The following SLIT3 variants were observed in gnomAD, a reference collection of about 807,000 sequenced individuals.
The protein encoded by SLIT3 is slit homolog 3 protein.
A neutral mutation model predicts 184.0 loss-of-function variants in SLIT3; 68 were observed. That is an observed-to-expected ratio of 0.37 (90% CI 0.30 to 0.45). The LOEUF is 0.45. Ranked by LOEUF, SLIT3 falls within the 20% of genes least tolerant of loss-of-function variation. The probability of loss-of-function intolerance (pLI) is 1.00; values close to 1 mark genes in which losing one functional copy is unlikely to be tolerated. For synonymous variants in SLIT3, 831 were observed against 828.6 expected, an observed-to-expected ratio of 1.00 and a Z score of -0.05; for missense variants, 1,707 against 2,026.0, an observed-to-expected ratio of 0.84 and a Z score of 3.02.
At chr5:169,168,701 T>C (rs958237004) in intron 4 of SLIT3, among the ~76,000 whole-genome samples, 2 of 152,298 alleles carry the variant, frequency 1.3e-5, no homozygotes, top group South Asian at 2.1e-4. Context: ...CCCAGATCTG[T>C]CTGGTTTTCA....
intron 16 of SLIT3, among the ~76,000 whole-genome samples, chr5:168,756,605 C>T (rs1355809474): frequency 1.3e-5 from 2 of 152,132 alleles, no homozygotes; most frequent in African/African-American, 2.4e-5. Flanking sequence ...TAAACTTGGC[C>T]GGTTTTCTTA....
At chr5:169,183,472 G>C (rs1302221985) in intron 4 of SLIT3, among the ~76,000 whole-genome samples, 1 of 152,112 alleles carries the variant, frequency 6.6e-6, no homozygotes, top group Non-Finnish European at 1.5e-5. Flanking sequence ...TGCAGTGAGG[G>C]ATTCAGTTGG....
chr5:169,179,448 A>T (rs1763084149), intron 4 of SLIT3, among the ~76,000 whole-genome samples: 1 of 152,188 alleles, frequency 6.6e-6, no homozygotes, highest in Non-Finnish European at 1.5e-5. Context: ...AACACAGCTT[A>T]TCTTTCCATT....
intron 23 of SLIT3, among the ~76,000 whole-genome samples, chr5:168,713,696 G>T (rs1022402347): frequency 1.3e-5 from 2 of 152,164 alleles, no homozygotes; most frequent in African/African-American, 2.4e-5. Context: ...CTTGCCCTTG[G>T]TCTTCAGCTG....
intron 3 of SLIT3, among the ~76,000 whole-genome samples, chr5:169,228,220 C>T (rs915641622): frequency 2.6e-5 from 4 of 152,070 alleles, no homozygotes; most frequent in African/African-American, 9.7e-5. Flanking sequence ...GGAGAAAAAC[C>T]TAGCAGTGCT....
At position 168,928,577 on chromosome 5, in the gene SLIT3, C is replaced by G. The variant is rs538429777; in HGVS notation, c.414-45241G>C. 1.4e-4 allele frequency among the ~76,000 whole-genome samples: 22 copies of G among 152,308 alleles called. No homozygotes were observed. The South Asian group carries it at 4.6e-3, about 32-fold the overall frequency. ...CCTGGAAAAGTGGCTCAATAGGTCA[C>G]TGCCTGCCTCTTTGTGTATGTGCAA... On this transcript the variant is annotated intron_variant, in intron 4 of 35. Coordinates refer to ENST00000519560, the MANE Select transcript of SLIT3 (RefSeq NM_003062.4).
intron 4 of SLIT3, among the ~76,000 whole-genome samples, chr5:169,145,831 T>G (rs936165426): frequency 1.3e-5 from 2 of 152,192 alleles, no homozygotes. Flanking sequence ...ACAGATTGCC[T>G]GAGGTCAGGA....
intron 4 of SLIT3, among the ~76,000 whole-genome samples, chr5:168,952,277 G>T (rs1268817862): frequency 6.6e-6 from 1 of 152,154 alleles, no homozygotes; most frequent in Non-Finnish European, 1.5e-5. Flanking sequence ...GCAAAGACCA[G>T]ATTTTGATCC....
intron 4 of SLIT3, among the ~76,000 whole-genome samples, chr5:168,998,113 CAG>C (rs1251410031): frequency 6.6e-6 from 1 of 152,142 alleles, no homozygotes; most frequent in African/African-American, 2.4e-5. Context: ...GCTGATCTCA[CAG>C]AGTTACAAGA....
At chr5:169,185,254 G>A (rs1450149993) in intron 4 of SLIT3, among the ~76,000 whole-genome samples, 1 of 152,168 alleles carries the variant, frequency 6.6e-6, no homozygotes, top group Non-Finnish European at 1.5e-5. Flanking sequence ...GGGGAACAAG[G>A]AGAAAAATCA....
At chr5:168,930,808 G>A (rs115115849) in intron 4 of SLIT3, among the ~76,000 whole-genome samples, 1 of 151,938 alleles carries the variant, frequency 6.6e-6, no homozygotes, top group Non-Finnish European at 1.5e-5. Context: ...GCAGCCCCCC[G>A]AGAGGCCTGA....
intron 4 of SLIT3, among the ~76,000 whole-genome samples, chr5:168,949,604 T>C (rs886127111): frequency 6.6e-6 from 1 of 151,218 alleles, no homozygotes; most frequent in Non-Finnish European, 1.5e-5. Context: ...GAATTTTTTG[T>C]CTTGTTTTTT....
chr5:169,171,654 G>T (rs1762824748), intron 4 of SLIT3, among the ~76,000 whole-genome samples: 1 of 152,216 alleles, frequency 6.6e-6, no homozygotes, highest in African/African-American at 2.4e-5. Context: ...AGCAAACAAG[G>T]TCCCTGCCCT....
chr5:168,933,532 C>A (rs191414301), intron 4 of SLIT3, among the ~76,000 whole-genome samples: 16 of 150,412 alleles, frequency 1.1e-4, no homozygotes, highest in Non-Finnish European at 1.8e-4. Context: ...CAGAACAAGA[C>A]TCCATCTCAA....
chr5:168,961,849 C>T (rs1763019665), intron 4 of SLIT3, among the ~76,000 whole-genome samples: 1 of 140,066 alleles, frequency 7.1e-6, no homozygotes, highest in Non-Finnish European at 1.5e-5. Context: ...TTCAGGCATG[C>T]ATGCACGCAT....
intron 1 of SLIT3, among the ~76,000 whole-genome samples, chr5:169,256,787 G>T (rs1359931396): frequency 6.6e-6 from 1 of 152,112 alleles, no homozygotes; most frequent in Non-Finnish European, 1.5e-5. Flanking sequence ...GGCTCATGGG[G>T]GCAGAAGGCT....
chr5:168,746,355 G>C (rs1477079454), intron 20 of SLIT3, among the ~76,000 whole-genome samples: 4 of 146,578 alleles, frequency 2.7e-5, no homozygotes, highest in African/African-American at 1.0e-4. Flanking sequence ...GTGGGTGTGT[G>C]GTGGTGTGTG....
intron 27 of SLIT3, among the ~76,000 whole-genome samples, chr5:168,698,446 C>A (rs1762122300): frequency 6.6e-6 from 1 of 152,026 alleles, no homozygotes; most frequent in African/African-American, 2.4e-5. Context: ...GGTGCTGCAG[C>A]CACAAGCCAA....
chr5:168,917,471 A>T (rs148754695), intron 4 of SLIT3, among the ~76,000 whole-genome samples: 3 of 152,112 alleles, frequency 2.0e-5, no homozygotes, highest in African/African-American at 7.2e-5. Context: ...CTTGTTTTTT[A>T]TTGATATTCC....
Sources: allele counts gnomAD v4.1 joint callset (sites outside exome capture counted in the v4.1 genomes callset), GRCh38; gene constraint gnomAD v4.1.1; transcripts MANE v1.5; gene names NCBI Gene and HGNC (gene_info 2026-07-23, HGNC 2026-07-21).